LCOR: variants seen among roughly 807,000 people sequenced by gnomAD.
LCOR encodes ligand dependent nuclear receptor corepressor.
A neutral mutation model predicts 64.4 loss-of-function variants in LCOR; 14 were observed. The observed-to-expected ratio is 0.22, with a 90% confidence interval of 0.14 to 0.34. LCOR has a LOEUF of 0.34. LCOR is among the 10% of genes least tolerant of loss of function. The probability of loss-of-function intolerance (pLI) is 1.00; values close to 1 mark genes in which losing one functional copy is unlikely to be tolerated. For missense variants in LCOR, 1,686 were observed against 1,765.3 expected (o/e 0.96, Z 0.80); for synonymous variants, 643 against 642.5 (o/e 1.00, Z -0.01).
chr10:96,847,439 C>CTTAT (rs993617449), intron 2 of LCOR, among the ~76,000 whole-genome samples: 31 of 149,392 alleles, frequency 2.1e-4, no homozygotes, highest in Non-Finnish European at 3.0e-5. Context: ...TATTTACTTA[C>CTTAT]TTATTTATTT....
chr10:96,956,845 GTGCTAACTGAATATCAT>G, intron 7 of LCOR: 1 of 985,468 alleles, frequency 1.0e-6, no homozygotes, highest in African/African-American at 1.7e-5. Flanking sequence ...CAGAATTGAT[GTGCTAACTGAATATCAT>G]TGCAGCAACT....
intron 5 of LCOR, among the ~76,000 whole-genome samples, chr10:96,948,275 T>C (rs1034722536): frequency 2.0e-5 from 3 of 152,170 alleles, no homozygotes; most frequent in East Asian, 3.9e-4. Flanking sequence ...CTGGAAAATA[T>C]GTGATTTTTC....
chr10:96,969,767 T>C, intron 7 of LCOR, among the ~76,000 whole-genome samples: 1 of 134,992 alleles, frequency 7.4e-6, no homozygotes, highest in Non-Finnish European at 1.5e-5. Flanking sequence ...TTCTTTCTTT[T>C]TTTTTTCTTT....
chr10:96,963,815 A>G (rs1847918158), intron 7 of LCOR: 1 of 152,156 alleles, frequency 6.6e-6, no homozygotes, highest in African/African-American at 2.4e-5. Flanking sequence ...TTAATATTTG[A>G]TATCTTACAT....
Position 96,944,183 on chromosome 10 carries a change from C to G in LCOR, c.-113C>G, listed in dbSNP as rs749723692. ...GAAGCTCTGCTTAAACAAGAGCAAG[C>G]AAAAATCATTCGATTCGAGAGACAA... On this transcript the variant is annotated 5_prime_UTR_variant, in exon 5 of 8. Coordinates refer to ENST00000421806, the MANE Select transcript of LCOR (RefSeq NM_001346516.2). 2.5e-4 allele frequency: 243 copies of G among 985,412 alleles called. No individual in the cohort carries two copies. Among genetic ancestry groups the G allele is most frequent in the Non-Finnish European group, 2.9e-4 (237 of 829,832 alleles). 61.0% of individuals were successfully genotyped at this position (985,412 alleles called of 1,614,324 possible). A position where few individuals can be genotyped will look rare whatever the true frequency, so the allele number is the denominator to read the frequency against.
chr10:96,945,423 A>C (rs532187066), intron 5 of LCOR, among the ~76,000 whole-genome samples: 1 of 152,190 alleles, frequency 6.6e-6, no homozygotes, highest in South Asian at 2.1e-4. Flanking sequence ...CTTCCATTAG[A>C]TCCCTAGGCA....
chr10:96,962,472 G>A (rs954027712), intron 7 of LCOR: 16 of 152,068 alleles, frequency 1.1e-4, no homozygotes, highest in Admixed American at 8.5e-4. Context: ...ATGTTTTTAA[G>A]TTGTGGAAGG....
chr10:96,837,822 C>T (rs946661482), intron 2 of LCOR, among the ~76,000 whole-genome samples: 14 of 152,172 alleles, frequency 9.2e-5, no homozygotes, highest in African/African-American at 1.7e-4. Context: ...CAGTCTAGCT[C>T]GGAAAGCTCA....
Position 96,981,438 on chromosome 10 carries a change from A to G in LCOR, c.978A>G (p.Ala326=). The change falls in exon 8 of 8, where the codon GCA becomes GCG. Residue 326 remains alanine, a synonymous_variant. Transcript: ENST00000421806. ...AAAGTCTAATTACAGTAAAAATGGC[A>G]GCTGAGAATAGTGAGGAAGGCAATA... ...LVESLITVKM[A]AENSEEGNTC... 6.2e-7 allele frequency: 1 copy of G among 1,614,220 alleles called. No homozygotes were observed. The highest frequency in any genetic ancestry group is 1.7e-5 in the Admixed American group (1 of 60,028).
chr10:96,915,858 T>C, intron 4 of LCOR: 1 of 491,262 alleles, frequency 2.0e-6, no homozygotes, highest in Non-Finnish European at 3.8e-6. Flanking sequence ...TCCTTTAACT[T>C]GGCATTATCT....
intron 4 of LCOR, among the ~76,000 whole-genome samples, chr10:96,940,374 G>T: frequency 8.6e-6 from 1 of 116,454 alleles, no homozygotes; most frequent in East Asian, 2.4e-4. Flanking sequence ...GGGGGATTTG[G>T]CAGGGTCATA....
At chr10:96,872,998 C>G (rs1425676695) in intron 2 of LCOR, among the ~76,000 whole-genome samples, 1 of 151,942 alleles carries the variant, frequency 6.6e-6, no homozygotes, top group African/African-American at 2.4e-5. Flanking sequence ...AAATAACTGC[C>G]ATTATTAACA....
chr10:96,888,363 CAAAAAAAAAAA>C lies in LCOR; in HGVS notation c.-329-18884_-329-18874del, dbSNP rs61076542. 4.7e-3 allele frequency among the ~76,000 whole-genome samples: 143 copies of C among 30,552 alleles called. 1 individual carries two copies. The East Asian group carries it at 0.067, about 14-fold the overall frequency. 20.0% of individuals were successfully genotyped at this position (30,552 alleles called of 152,430 possible). The stretch of plus-strand genomic sequence containing the variant: ...TGGGTGACAGAGCAAGACTCCGTCT[CAAAAAAAAAAA>C]AAAAAAAAAAAAAAAAAGAACAGTA... On this transcript the variant is annotated intron_variant, in intron 2 of 7. Coordinates refer to ENST00000421806, the MANE Select transcript of LCOR (RefSeq NM_001346516.2).
rs1470449382 is a variant in LCOR, at chr10:96,917,397, T to A, written c.-184+9650T>A. 4.2e-4 allele frequency among the ~76,000 whole-genome samples: 64 copies of A among 152,248 alleles called. 1 individual carries two copies. Among genetic ancestry groups the A allele is most frequent in the Admixed American group, 4.2e-3 (64 of 15,284 alleles). On this transcript the variant is annotated intron_variant, in intron 4 of 7. Coordinates refer to ENST00000421806, the MANE Select transcript of LCOR (RefSeq NM_001346516.2). ...TCTATAAGGAGTTTTAAATCATCCATGCTGTGCATCCAGAACCAGAATTCT... is the reference window on the plus strand; with the variant it reads ...TCTATAAGGAGTTTTAAATCATCCAAGCTGTGCATCCAGAACCAGAATTCT...
chr10:96,853,026 A>C (rs978184713), intron 2 of LCOR, among the ~76,000 whole-genome samples: 2 of 152,248 alleles, frequency 1.3e-5, no homozygotes, highest in South Asian at 2.1e-4. Flanking sequence ...ATAGGAATAC[A>C]CTTTATTTTG....
At chr10:96,870,488 G>T (rs182994341) in intron 2 of LCOR, among the ~76,000 whole-genome samples, 1 of 152,310 alleles carries the variant, frequency 6.6e-6, no homozygotes, top group East Asian at 1.9e-4. Flanking sequence ...GATTTCTCAT[G>T]TGTTGTCAAT....
chr10:96,966,377 C>T (rs1300984585), intron 7 of LCOR, among the ~76,000 whole-genome samples: 2 of 151,550 alleles, frequency 1.3e-5, no homozygotes, highest in African/African-American at 2.4e-5. Flanking sequence ...TACAGGCGCC[C>T]GCCAACACGC....
chr10:96,957,556 A>G (rs1048936036), intron 7 of LCOR: 1 of 985,384 alleles, frequency 1.0e-6, no homozygotes, highest in Non-Finnish European at 1.2e-6. Flanking sequence ...TTAACCAAAA[A>G]CAAACATTAT....
At chr10:96,932,856 T>C (rs1190350148) in intron 4 of LCOR, among the ~76,000 whole-genome samples, 1 of 152,236 alleles carries the variant, frequency 6.6e-6, no homozygotes. Flanking sequence ...TTGGTATAAC[T>C]TTTCCTTAGA....
Sources: gnomAD v4.1 joint callset for allele counts (sites outside exome capture counted in the v4.1 genomes callset) on GRCh38, gnomAD v4.1.1 for gene constraint, MANE v1.5 for transcripts, NCBI Gene and HGNC (gene_info 2026-07-23, HGNC 2026-07-21) for gene names.